The following PXT1 variants were observed in gnomAD, a reference collection of about 807,000 sequenced individuals.
PXT1 encodes the protein peroxisomal testis-specific protein 1.
A neutral mutation model predicts 11.0 loss-of-function variants in PXT1; 11 were observed. That is an observed-to-expected ratio of 1.00 (90% confidence interval 0.63 to 1.66). The LOEUF (loss-of-function observed/expected upper bound fraction) is 1.66, where lower values mean the gene tolerates loss of function less well. Among genes scored for constraint, PXT1 ranks in the 40% most tolerant of loss-of-function variants. The pLI, the probability that PXT1 is intolerant of heterozygous loss-of-function variation, is 0.00. For missense variants in PXT1, 141 were observed against 155.5 expected (o/e 0.91, Z 0.49); for synonymous variants, 43 against 51.4 (o/e 0.84, Z 0.70).
chr6:36,435,875 A>G (rs1438903649), intron 2 of PXT1, among the ~76,000 whole-genome samples: 1 of 152,154 alleles, frequency 6.6e-6, no homozygotes, highest in African/African-American at 2.4e-5. Context: ...AGACTAGAAT[A>G]AACCCCCTTT....
intron 4 of PXT1, among the ~76,000 whole-genome samples, chr6:36,397,079 T>C (rs189483990): frequency 8.4e-4 from 128 of 152,320 alleles, no homozygotes; most frequent in Non-Finnish European, 1.5e-3. Flanking sequence ...CTCTGAGCTG[T>C]TGTAACACTC....
chr6:36,408,000 T>C (rs1472277525), intron 3 of PXT1, among the ~76,000 whole-genome samples: 2 of 150,906 alleles, frequency 1.3e-5, no homozygotes, highest in Non-Finnish European at 3.0e-5. Flanking sequence ...ATTGCTCTGT[T>C]GCCCAGGCTG....
intron 3 of PXT1, among the ~76,000 whole-genome samples, chr6:36,415,831 T>C (rs528532551): frequency 3.9e-5 from 6 of 152,058 alleles, no homozygotes; most frequent in Admixed American, 2.6e-4. Flanking sequence ...AATATGAGGA[T>C]TAGTTTTGAA....
intron 3 of PXT1, among the ~76,000 whole-genome samples, chr6:36,404,695 C>G (rs888226824): frequency 6.6e-6 from 1 of 151,716 alleles, no homozygotes; most frequent in South Asian, 2.1e-4. Context: ...CAGTGGCTCA[C>G]GCCTGTAATC....
intron 2 of PXT1, among the ~76,000 whole-genome samples, chr6:36,434,263 T>G (rs1213938264): frequency 5.3e-5 from 8 of 152,050 alleles, no homozygotes; most frequent in Non-Finnish European, 2.9e-5. Context: ...AGGCCCAGCA[T>G]GACGAATGGA....
intron 2 of PXT1, among the ~76,000 whole-genome samples, chr6:36,426,785 G>A (rs1411236501): frequency 6.6e-6 from 1 of 151,898 alleles, no homozygotes; most frequent in Non-Finnish European, 1.5e-5. Context: ...TAGAGAGGCG[G>A]AGAGGGGTGG....
At chr6:36,391,898 G>T in intron 4 of PXT1, 24 bp from the exon 5 acceptor site, 1 of 1,322,876 alleles carries the variant, frequency 7.6e-7, no homozygotes, top group Non-Finnish European at 1.0e-6. Context: ...GGGAGACACA[G>T]AGAAAGGTTT....
chr6:36,439,464 T>A (rs1035307025), intron 1 of PXT1, among the ~76,000 whole-genome samples: 1 of 151,106 alleles, frequency 6.6e-6, no homozygotes, highest in Non-Finnish European at 1.5e-5. Flanking sequence ...ATAAAAAAAA[T>A]TAGCTGGGCA....
At chr6:36,411,849 G>A (rs1014814952) in intron 3 of PXT1, among the ~76,000 whole-genome samples, 6 of 151,746 alleles carry the variant, frequency 4.0e-5, no homozygotes, top group East Asian at 2.0e-4. Flanking sequence ...CTCAGAGGCC[G>A]AGGTGAGAGG....
At chr6:36,410,144 G>GGGGAGAGA (rs1774348662) in intron 3 of PXT1, among the ~76,000 whole-genome samples, 1 of 140,466 alleles carries the variant, frequency 7.1e-6, no homozygotes, top group South Asian at 2.3e-4. Flanking sequence ...AAGGAAGGAA[G>GGGGAGAGA]GAGAGAGAGA....
At chr6:36,440,160 T>C (rs746591094) in intron 1 of PXT1, among the ~76,000 whole-genome samples, 11 of 152,196 alleles carry the variant, frequency 7.2e-5, no homozygotes, top group Non-Finnish European at 1.5e-4. Flanking sequence ...GTTCAAAATC[T>C]AGGGATTTTT....
chr6:36,417,497 G>A (rs1774465516), intron 3 of PXT1, among the ~76,000 whole-genome samples: 1 of 149,088 alleles, frequency 6.7e-6, no homozygotes, highest in Admixed American at 6.9e-5. Context: ...GCCCACTCCT[G>A]CAATCCCAGC....
chr6:36,436,963 T>C (rs1774773316), intron 2 of PXT1, among the ~76,000 whole-genome samples: 1 of 152,058 alleles, frequency 6.6e-6, no homozygotes, highest in African/African-American at 2.4e-5. Context: ...TGGGGTGCAA[T>C]TGTACAGTTA....
At chr6:36,411,165 A>G (rs1410476380) in intron 3 of PXT1, among the ~76,000 whole-genome samples, 3 of 152,188 alleles carry the variant, frequency 2.0e-5, no homozygotes, top group Non-Finnish European at 4.4e-5. Flanking sequence ...ATGAAATACC[A>G]TGGCTGGGCA....
intron 3 of PXT1, among the ~76,000 whole-genome samples, chr6:36,423,962 T>C (rs185257629): frequency 7.8e-4 from 119 of 152,280 alleles, no homozygotes; most frequent in African/African-American, 2.7e-3. Flanking sequence ...TAACTCTAAA[T>C]CAAGGGCAGC....
chr6:36,412,420 G>A lies in PXT1; in HGVS notation c.170-11836C>T, dbSNP rs571830869. On this transcript the variant is annotated intron_variant, in intron 3 of 4. Transcript: ENST00000454782. The stretch of plus-strand genomic sequence containing the variant: ...CTCATGCCTGTAATCCCAGTACTTC[G>A]GGAGGCCGAGGTGGGCGGATCACGA... Among the ~76,000 whole-genome samples, 13 of 151,816 alleles carry A rather than the reference G, an allele frequency of 8.6e-5. No homozygotes were observed. In the South Asian group the frequency reaches 2.5e-3, roughly 29 times the overall value.
intron 3 of PXT1, among the ~76,000 whole-genome samples, chr6:36,407,449 G>T (rs770668516): frequency 1.3e-5 from 2 of 152,052 alleles, no homozygotes; most frequent in African/African-American, 2.4e-5. Flanking sequence ...GGAGAAAAAA[G>T]TTGCTCATTT....
chr6:36,402,477 T>C (rs7747099), intron 3 of PXT1, among the ~76,000 whole-genome samples: 113,355 of 152,080 alleles, frequency 0.75, 42,460 homozygotes, highest in East Asian at 0.8. Context: ...GAGAGAGACA[T>C]AAACTACAAT....
rs569482668 is a variant in PXT1 at position 36,391,873 on chromosome 6, T to A, written c.302A>T (p.Asp101Val). The A allele has an allele frequency of 1.9e-6, 3 of 1,587,384 alleles. No individual in the cohort carries two copies. The highest frequency in any genetic ancestry group is 2.6e-6 in the Non-Finnish European group (3 of 1,167,074). ...TGCATCTCTGCCATCCTGTTGAAGA[T>A]CCTATTTGAAAAAAGGGAGACACAG... ...DNIDHRMVRE[D>V]LQQDGRDALD... Residue 101 changes from aspartate to valine, a missense_variant and splice_region_variant, in exon 5 of 5, where the codon GAT becomes GTT. Transcript: ENST00000454782.
Sources: gnomAD v4.1 joint callset for allele counts (sites outside exome capture counted in the v4.1 genomes callset) on GRCh38, gnomAD v4.1.1 for gene constraint, MANE v1.5 for transcripts, NCBI Gene and HGNC (gene_info 2026-07-23, HGNC 2026-07-21) for gene names.